ATXN7L1: variants seen among roughly 807,000 people sequenced by gnomAD.
ATXN7L1 encodes ataxin 7 like 1.
Under a neutral mutation model 70.8 loss-of-function variants are expected in ATXN7L1, and 15 were observed. That is an observed-to-expected ratio of 0.21 (90% CI 0.14 to 0.33). The LOEUF (loss-of-function observed/expected upper bound fraction) is 0.33, where lower values mean the gene tolerates loss of function less well. ATXN7L1 is among the 10% of genes least tolerant of loss of function. The probability of loss-of-function intolerance (pLI) is 1.00; values close to 1 mark genes in which losing one functional copy is unlikely to be tolerated. For missense variants in ATXN7L1, 975 were observed against 1,097.1 expected, an observed-to-expected ratio of 0.89 and a Z score of 1.57; for synonymous variants, 440 against 445.1, an observed-to-expected ratio of 0.99 and a Z score of 0.14.
intron 3 of ATXN7L1, among the ~76,000 whole-genome samples, chr7:105,699,045 C>A (rs1792106991): frequency 1.3e-5 from 2 of 152,046 alleles, no homozygotes. Context: ...GAAAGCCTTT[C>A]CATTTAAAAT....
chr7:105,749,237 G>C (rs890616200), intron 3 of ATXN7L1, among the ~76,000 whole-genome samples: 3 of 151,842 alleles, frequency 2.0e-5, no homozygotes, highest in Admixed American at 6.6e-5. Context: ...ATTTTCTCTG[G>C]ATAGCCCTCA....
At chr7:105,631,505 T>G (rs1165243061) in intron 7 of ATXN7L1, among the ~76,000 whole-genome samples, 4 of 152,214 alleles carry the variant, frequency 2.6e-5, no homozygotes, top group Non-Finnish European at 4.4e-5. Context: ...CTCGCTTTGT[T>G]GCCCAGGCTA....
At chr7:105,673,507 C>T (rs777128902) in intron 3 of ATXN7L1, among the ~76,000 whole-genome samples, 3 of 152,216 alleles carry the variant, frequency 2.0e-5, no homozygotes, top group Non-Finnish European at 2.9e-5. Context: ...CTCCTTCAGC[C>T]CCCACTTTTG....
At position 105,693,750 on chromosome 7, in the gene ATXN7L1, A is replaced by G. The variant is rs114014440; in HGVS notation, c.356-28462T>C. 2.8e-3 allele frequency among the ~76,000 whole-genome samples: 431 copies of G among 152,298 alleles called. 1 individual carries two copies. Among genetic ancestry groups the G allele is most frequent in the African/African-American group, 1.0e-2 (415 of 41,562 alleles). On this transcript the variant is annotated intron_variant, in intron 3 of 11. Coordinates refer to ENST00000419735, the MANE Select transcript of ATXN7L1 (RefSeq NM_020725.2). ...TTCTGGTTACGGGGCCACCAGCGCC[A>G]TGGTGGTGAACAGGAACCCACATAG...
At chr7:105,731,773 GAAA>G (rs143931056) in intron 3 of ATXN7L1, among the ~76,000 whole-genome samples, 874 of 66,604 alleles carry the variant, frequency 0.013, 11 homozygotes, top group African/African-American at 0.05. Flanking sequence ...GAAAAGAAAA[GAAA>G]AGAAAAGAAA....
At chr7:105,749,083 T>G (rs1428719732) in intron 3 of ATXN7L1, among the ~76,000 whole-genome samples, 1 of 152,198 alleles carries the variant, frequency 6.6e-6, no homozygotes, top group Non-Finnish European at 1.5e-5. Context: ...ACTGTTTTCC[T>G]TATTAGATTT....
rs998116976 is a variant in ATXN7L1, at chr7:105,676,310, C to T, written c.356-11022G>A. Among the ~76,000 whole-genome samples, 2 of 152,200 alleles carry T rather than the reference C, an allele frequency of 1.3e-5. 1 individual carries two copies. Among genetic ancestry groups the T allele is most frequent in the South Asian group, 4.1e-4 (2 of 4,832 alleles). ...AGCCCCCTCCAAAACCACAAACACA[C>T]ACCGCACAAGTCACATGTGTTTAAA... On this transcript the variant is annotated intron_variant, in intron 3 of 11. Coordinates refer to ENST00000419735, the MANE Select transcript of ATXN7L1 (RefSeq NM_020725.2).
At chr7:105,609,459 G>A (rs1792964463) in intron 11 of ATXN7L1, among the ~76,000 whole-genome samples, 1 of 150,116 alleles carries the variant, frequency 6.7e-6, no homozygotes, top group African/African-American at 2.5e-5. Context: ...AAGCCACCAT[G>A]CCTGGCCTAA....
chr7:105,824,563 A>C (rs1810597591), intron 2 of ATXN7L1, among the ~76,000 whole-genome samples: 1 of 152,184 alleles, frequency 6.6e-6, no homozygotes, highest in South Asian at 2.1e-4. Flanking sequence ...TTTTACTAGA[A>C]GGCTTACAAG....
chr7:105,740,784 T>A lies in ATXN7L1; in HGVS notation c.355+47820A>T, dbSNP rs375327796. Among the ~76,000 whole-genome samples the A allele has an allele frequency of 3.8e-5, 3 of 77,926 alleles. 1 individual carries two copies. Among genetic ancestry groups the A allele is most frequent in the East Asian group, 1.3e-3 (2 of 1,504 alleles). The allele number at this position is 77,926 out of a possible 152,430, so 51.1% of individuals were successfully genotyped here. A position where few individuals can be genotyped will look rare whatever the true frequency, so the allele number is the denominator to read the frequency against. On this transcript the variant is annotated intron_variant, in intron 3 of 11. Coordinates refer to ENST00000419735, the MANE Select transcript of ATXN7L1 (RefSeq NM_020725.2). ...GGCTCCATTCATTTTTTTTTTTTTT[T>A]AATGGAGTCTCACTCTGTCGCCCAG...
At chr7:105,782,136 G>C (rs1430190283) in intron 3 of ATXN7L1, among the ~76,000 whole-genome samples, 1 of 152,138 alleles carries the variant, frequency 6.6e-6, no homozygotes, top group Non-Finnish European at 1.5e-5. Context: ...GCCTGGCCTA[G>C]AGCTGGAATT....
intron 3 of ATXN7L1, among the ~76,000 whole-genome samples, chr7:105,712,406 T>C (rs1794036997): frequency 3.3e-5 from 5 of 152,374 alleles, no homozygotes; most frequent in Admixed American, 2.6e-4. Context: ...ATGGCTGGCC[T>C]GCAAATTTTC....
At chr7:105,608,621 C>T (rs1022095408) in intron 11 of ATXN7L1, among the ~76,000 whole-genome samples, 2 of 152,150 alleles carry the variant, frequency 1.3e-5, no homozygotes, top group African/African-American at 4.8e-5. Flanking sequence ...GCCCCATCAA[C>T]AGAGGCTGAC....
At position 105,876,535 on chromosome 7, in the gene ATXN7L1, G is replaced by C. The variant is rs765746186; in HGVS notation, c.24C>G (p.Ile8Met). Residue 8 changes from isoleucine (I) to methionine (M), a missense_variant, in exon 1 of 12, where the codon ATC becomes ATG. Ile to Met is a conservative substitution (Grantham distance 10). Transcript: ENST00000419735. ...CGGCAGCAGCAGCCGAGAGACACGG[G>C]ATTCGAGAACGCTCCGACGTCATCT... is the stretch of plus-strand genomic sequence containing the variant. MTSERSRIPCLSAAAAEG... is the reference protein window; with the variant it reads MTSERSRMPCLSAAAAEG... The C allele has an allele frequency of 1.4e-6, 2 of 1,381,434 alleles. No individual in the cohort carries two copies. The highest frequency in any genetic ancestry group is 1.1e-5 in the South Asian group (1 of 88,364). 85.6% of individuals were successfully genotyped at this position (1,381,434 alleles called of 1,614,324 possible).
chr7:105,838,458 T>C (rs1812728112), intron 2 of ATXN7L1, among the ~76,000 whole-genome samples: 1 of 152,240 alleles, frequency 6.6e-6, no homozygotes, highest in South Asian at 2.1e-4. Context: ...ACATTATCCT[T>C]GGAAACCAGG....
intron 2 of ATXN7L1, among the ~76,000 whole-genome samples, chr7:105,850,343 G>C (rs752936249): frequency 2.0e-5 from 3 of 152,186 alleles, no homozygotes; most frequent in Non-Finnish European, 4.4e-5. Context: ...CACAGGAGAG[G>C]ACCATGAGGA....
intron 4 of ATXN7L1, among the ~76,000 whole-genome samples, chr7:105,655,646 C>T (rs950795202): frequency 2.4e-4 from 36 of 152,306 alleles, no homozygotes; most frequent in Admixed American, 2.0e-4. Context: ...CTTGGTCTTG[C>T]CCCCAGTTCA....
chr7:105,846,339 T>C (rs916578072), intron 2 of ATXN7L1, among the ~76,000 whole-genome samples: 3 of 151,874 alleles, frequency 2.0e-5, no homozygotes, highest in East Asian at 1.9e-4. Flanking sequence ...AAATGGCCAA[T>C]AGGTGCCATC....
In ATXN7L1 at chr7:105,867,993, G is replaced by T. The variant is rs80271586; in HGVS notation, c.250+7819C>A. On this transcript the variant is annotated intron_variant, in intron 2 of 11. Transcript: ENST00000419735. ...AAACCATCAGTGGTGCCACTGGTGA[G>T]AAATATTATACTACTGTGTGCTTTG... Among the ~76,000 whole-genome samples the T allele has an allele frequency of 7.0e-3, 1,072 of 152,316 alleles. 2 individuals are homozygous for T. The highest frequency in any genetic ancestry group is 0.012 in the Non-Finnish European group (794 of 68,024).
Sources: allele counts gnomAD v4.1 joint callset (sites outside exome capture counted in the v4.1 genomes callset), GRCh38; gene constraint gnomAD v4.1.1; transcripts MANE v1.5; gene names NCBI Gene and HGNC (gene_info 2026-07-23, HGNC 2026-07-21).